The following ANO4 variants were observed in gnomAD, a reference collection of about 807,000 sequenced individuals.
ANO4 encodes the protein anoctamin-4.
ANO4 carries 69 observed loss-of-function variants against 141.9 expected under a neutral mutation model. The observed-to-expected ratio is 0.49, with a 90% CI of 0.40 to 0.59. ANO4 has a LOEUF of 0.59. Ranked by LOEUF, ANO4 falls within the 20% of genes least tolerant of loss-of-function variation. The probability of loss-of-function intolerance (pLI) is 0.00; values close to 1 mark genes in which losing one functional copy is unlikely to be tolerated. For missense variants in ANO4, 894 were observed against 1,162.2 expected (o/e 0.77, Z 3.36); for synonymous variants, 350 against 394.3 (o/e 0.89, Z 1.33).
chr12:100,849,973 G>A (rs1381182556), intron 1 of ANO4, among the ~76,000 whole-genome samples: 2 of 152,094 alleles, frequency 1.3e-5, no homozygotes, highest in Non-Finnish European at 1.5e-5. Context: ...ACTGTGCAAT[G>A]TATTCTGTAA....
upstream of ANO4, chr12:100,794,649 C>G (rs1488245525): frequency 6.6e-6 from 1 of 152,304 alleles, no homozygotes; most frequent in Non-Finnish European, 1.5e-5. Context: ...CTTTTCATCC[C>G]TCTTCTCGCC....
At chr12:100,940,249 T>G (rs780725366) in intron 4 of ANO4, among the ~76,000 whole-genome samples, 3 of 151,974 alleles carry the variant, frequency 2.0e-5, no homozygotes, top group Non-Finnish European at 2.9e-5. Flanking sequence ...TCTGTTATTA[T>G]CTGTTTACAC....
chr12:100,992,262 A>G (rs1484065517), intron 8 of ANO4, among the ~76,000 whole-genome samples: 1 of 152,190 alleles, frequency 6.6e-6, no homozygotes. Flanking sequence ...AATTATTACT[A>G]TGACTTACAA....
At chr12:100,874,250 C>T (rs951666796) in intron 1 of ANO4, among the ~76,000 whole-genome samples, 3 of 152,208 alleles carry the variant, frequency 2.0e-5, no homozygotes, top group Admixed American at 2.0e-4. Context: ...CAGAGTCCTT[C>T]ACTGGGGCAC....
At chr12:100,876,497 T>C (rs1249474744) in intron 1 of ANO4, among the ~76,000 whole-genome samples, 1 of 151,922 alleles carries the variant, frequency 6.6e-6, no homozygotes, top group Non-Finnish European at 1.5e-5. Flanking sequence ...TTTTGAAAAA[T>C]GAGAGAAATT....
At chr12:100,940,447 C>T (rs1169894500) in intron 4 of ANO4, among the ~76,000 whole-genome samples, 1 of 152,132 alleles carries the variant, frequency 6.6e-6, no homozygotes, top group Non-Finnish European at 1.5e-5. Flanking sequence ...TGGCTGAAGC[C>T]ATTTTTGAAG....
intron 10 of ANO4, among the ~76,000 whole-genome samples, chr12:101,039,434 G>T (rs1402506106): frequency 6.6e-6 from 1 of 152,244 alleles, no homozygotes; most frequent in African/African-American, 2.4e-5. Context: ...GAGCCTGGGA[G>T]TCGGAGGTTG....
rs568497956 is a variant in ANO4, at chr12:100,728,080, C to A, written c.23-5694C>A. Among the ~76,000 whole-genome samples the A allele has an allele frequency of 2.0e-3, 269 of 134,500 alleles. 1 individual carries two copies. Among genetic ancestry groups the A allele is most frequent in the African/African-American group, 7.1e-3 (262 of 36,758 alleles). 88.2% of individuals were successfully genotyped at this position (134,500 alleles called of 152,430 possible). A position where few individuals can be genotyped will look rare whatever the true frequency, so the allele number is the denominator to read the frequency against. ...TTTTTTTAAACCCTCCTATATTAGA[C>A]ATTAAAATTATTATTTTATATTGAC... On this transcript the variant is annotated intron_variant, in intron 1 of 29. Transcript: ENST00000644049.
chr12:100,994,474 G>A (rs1055539575), intron 8 of ANO4, among the ~76,000 whole-genome samples: 1 of 152,170 alleles, frequency 6.6e-6, no homozygotes, highest in Non-Finnish European at 1.5e-5. Context: ...TGCAAGAAGA[G>A]TCGTGTTACT....
intron 1 of ANO4, among the ~76,000 whole-genome samples, chr12:100,879,216 T>C (rs1223595697): frequency 1.3e-5 from 2 of 152,192 alleles, no homozygotes. Context: ...CATTGGAACA[T>C]GTTTGTGGTG....
At chr12:100,871,794 G>C (rs555352384) in intron 1 of ANO4, among the ~76,000 whole-genome samples, 7 of 152,268 alleles carry the variant, frequency 4.6e-5, no homozygotes, top group Non-Finnish European at 7.4e-5. Flanking sequence ...TTTTATAAGA[G>C]CACTAATTCC....
chr12:100,848,527 C>T (rs2037700087), intron 1 of ANO4, among the ~76,000 whole-genome samples: 1 of 152,158 alleles, frequency 6.6e-6, no homozygotes, highest in Admixed American at 6.5e-5. Flanking sequence ...GATGTATAAC[C>T]AAGTTTGGAA....
chr12:100,845,742 A>G (rs565777344), intron 1 of ANO4, among the ~76,000 whole-genome samples: 4 of 152,200 alleles, frequency 2.6e-5, no homozygotes, highest in African/African-American at 9.7e-5. Flanking sequence ...GGGGGAATAA[A>G]TGAAAAAAAG....
chr12:100,761,199 G>A (rs1401224547), intron 3 of ANO4, among the ~76,000 whole-genome samples: 1 of 152,092 alleles, frequency 6.6e-6, no homozygotes, highest in Admixed American at 6.6e-5. Context: ...GGTGGAGGAA[G>A]GAAGGCATCT....
At chr12:101,059,977 G>A (rs1053965693) in intron 14 of ANO4, among the ~76,000 whole-genome samples, 6 of 152,184 alleles carry the variant, frequency 3.9e-5, no homozygotes, top group African/African-American at 1.4e-4. Context: ...ATGTTAGGAT[G>A]TCAATTATAG....
At chr12:100,925,986 C>A (rs1462695660) in intron 3 of ANO4, among the ~76,000 whole-genome samples, 1 of 151,838 alleles carries the variant, frequency 6.6e-6, no homozygotes, top group East Asian at 1.9e-4. Flanking sequence ...CAAAGTATCT[C>A]TTTTCAATCT....
intron 6 of ANO4, among the ~76,000 whole-genome samples, chr12:100,974,351 C>CAT (rs765969900): frequency 9.1e-4 from 138 of 151,608 alleles, no homozygotes; most frequent in Non-Finnish European, 1.3e-3. Flanking sequence ...TTGTGAAATA[C>CAT]ATATATATAT....
intron 13 of ANO4, chr12:101,047,973 C>A: frequency 1.0e-6 from 1 of 997,140 alleles, no homozygotes; most frequent in Non-Finnish European, 1.2e-6. Context: ...AGTTGAAAAC[C>A]TTTAAAGCAG....
intron 1 of ANO4, among the ~76,000 whole-genome samples, chr12:100,822,931 T>C (rs966801324): frequency 6.6e-6 from 1 of 152,080 alleles, no homozygotes; most frequent in Non-Finnish European, 1.5e-5. Context: ...CCGTTTGCTG[T>C]ATTTTGCTTT....
Sources: allele counts gnomAD v4.1 joint callset (sites outside exome capture counted in the v4.1 genomes callset), GRCh38; gene constraint gnomAD v4.1.1; transcripts MANE v1.5; gene names NCBI Gene and HGNC (gene_info 2026-07-23, HGNC 2026-07-21).